The following MAP2K6 variants were observed in gnomAD, a reference collection of about 807,000 sequenced individuals.
The protein encoded by MAP2K6 is dual specificity mitogen-activated protein kinase kinase 6.
MAP2K6 carries 16 observed loss-of-function variants against 53.7 expected under a neutral mutation model. The observed-to-expected ratio is 0.30, with a 90% CI of 0.20 to 0.45. MAP2K6 has a LOEUF of 0.45. Among genes scored for constraint, MAP2K6 ranks in the 20% least tolerant of loss-of-function variants. MAP2K6 has a pLI of 1.00. For missense variants in MAP2K6, 204 were observed against 411.9 expected (o/e 0.50, Z 4.37); for synonymous variants, 132 against 143.1 (o/e 0.92, Z 0.55).
chr17:69,428,864 G>GT (rs761660743), intron 1 of MAP2K6, among the ~76,000 whole-genome samples: 175 of 46,256 alleles, frequency 3.8e-3, no homozygotes, highest in East Asian at 0.014. Flanking sequence ...TTTTGTTTTT[G>GT]TTTTTTTTTT....
chr17:69,498,069 C>T (rs887348378), intron 1 of MAP2K6, among the ~76,000 whole-genome samples: 14 of 151,896 alleles, frequency 9.2e-5, no homozygotes, highest in Non-Finnish European at 1.6e-4. Context: ...CCTGATGCTT[C>T]GATGGCAGAA....
chr17:69,446,913 C>T (rs1198261969), intron 1 of MAP2K6, among the ~76,000 whole-genome samples: 1 of 149,738 alleles, frequency 6.7e-6, no homozygotes, highest in Non-Finnish European at 1.5e-5. Flanking sequence ...AGTGGTCATT[C>T]ATTGGACCAC....
rs1327786599 is a variant in MAP2K6 at position 69,542,005 on chromosome 17, G to A, written c.*252G>A. The A allele has an allele frequency of 4.1e-6, 1 of 246,096 alleles. No individual in the cohort carries two copies. The highest frequency in any genetic ancestry group is 8.0e-6 in the Non-Finnish European group (1 of 125,566). 15.2% of individuals were successfully genotyped at this position (246,096 alleles called of 1,614,324 possible). A position where few individuals can be genotyped will look rare whatever the true frequency, so the allele number is the denominator to read the frequency against. On this transcript the variant is annotated 3_prime_UTR_variant, in exon 12 of 12. Transcript: ENST00000590474. Reference sequence around the variant, plus strand: ...TTCAAAAGGTGATTAAATATTTAATGATGTGTCATATGAGTCCTCAAGCTT... The same window carrying A: ...TTCAAAAGGTGATTAAATATTTAATAATGTGTCATATGAGTCCTCAAGCTT...
chr17:69,530,499 T>C (rs1304372627), intron 10 of MAP2K6, among the ~76,000 whole-genome samples: 1 of 152,198 alleles, frequency 6.6e-6, no homozygotes, highest in Non-Finnish European at 1.5e-5. Context: ...TTGTCTAAAA[T>C]AGTCATTTTG....
At chr17:69,471,269 T>G (rs1181264888) in intron 1 of MAP2K6, among the ~76,000 whole-genome samples, 1 of 152,164 alleles carries the variant, frequency 6.6e-6, no homozygotes, top group Non-Finnish European at 1.5e-5. Context: ...GAAATCAACC[T>G]AAGCATCCAT....
At chr17:69,425,179 G>A (rs975627394) in intron 1 of MAP2K6, among the ~76,000 whole-genome samples, 4 of 152,138 alleles carry the variant, frequency 2.6e-5, no homozygotes, top group African/African-American at 4.8e-5. Context: ...TCCTTGAAAT[G>A]ATGAATGAAC....
At chr17:69,521,836 A>T (rs1398940136) in intron 7 of MAP2K6, 1 of 138,544 alleles carries the variant, frequency 7.2e-6, no homozygotes, top group South Asian at 2.3e-4. Flanking sequence ...AAAAAAAACC[A>T]CCTTAGAAAT....
rs3222089 is a variant in MAP2K6 at position 69,498,650 on chromosome 17, C to CCACACACACACACACA, written c.17-7110_17-7095dup. 3.1e-3 allele frequency among the ~76,000 whole-genome samples: 451 copies of CCACACACACACACACA among 145,516 alleles called. 1 individual carries two copies. Among genetic ancestry groups the CCACACACACACACACA allele is most frequent in the Middle Eastern group, 0.014 (4 of 286 alleles). On this transcript the variant is annotated intron_variant, in intron 1 of 11. Coordinates refer to ENST00000590474, the MANE Select transcript of MAP2K6 (RefSeq NM_002758.4). ...GAAGCCACACACACACACCTGGAAG[C>CCACACACACACACACA]CACACACACACACACACACACACAC...
At chr17:69,446,744 C>T (rs1237709610) in intron 1 of MAP2K6, among the ~76,000 whole-genome samples, 1 of 152,116 alleles carries the variant, frequency 6.6e-6, no homozygotes, top group Non-Finnish European at 1.5e-5. Context: ...TTGAGTACCC[C>T]CCACAGACGC....
intron 1 of MAP2K6, among the ~76,000 whole-genome samples, chr17:69,491,754 A>ATTATTC (rs1276341519): frequency 1.3e-5 from 2 of 150,644 alleles, no homozygotes; most frequent in Non-Finnish European, 3.0e-5. Flanking sequence ...TATTATTATT[A>ATTATTC]TTCACTTTTG....
intron 1 of MAP2K6, among the ~76,000 whole-genome samples, chr17:69,444,891 A>G (rs561623535): frequency 1.3e-5 from 2 of 152,306 alleles, no homozygotes; most frequent in African/African-American, 4.8e-5. Context: ...CTGGAGACTT[A>G]CTGGAAATCC....
At chr17:69,461,665 A>AG (rs1907626921) in intron 1 of MAP2K6, among the ~76,000 whole-genome samples, 1 of 152,096 alleles carries the variant, frequency 6.6e-6, no homozygotes, top group Non-Finnish European at 1.5e-5. Flanking sequence ...AAGGCCCCCC[A>AG]GGGAGCTGCG....
chr17:69,524,851 C>T lies in MAP2K6; in HGVS notation c.664-50C>T, dbSNP rs746157438. 1.7e-5 allele frequency: 23 copies of T among 1,381,288 alleles called. 1 individual carries two copies. The highest frequency in any genetic ancestry group is 9.2e-5 in the East Asian group (4 of 43,518). 85.6% of individuals were successfully genotyped at this position (1,381,288 alleles called of 1,614,324 possible). On this transcript the variant is annotated intron_variant, in intron 8 of 11. Coordinates refer to ENST00000590474, the MANE Select transcript of MAP2K6 (RefSeq NM_002758.4). ...TCCCCAGAGACTATTGAGCTAAGAA[C>T]GTTATCTCAATTGTCTTCCCAGTTT... is the stretch of plus-strand genomic sequence containing the variant.
At chr17:69,484,677 A>G (rs1192649726) in intron 1 of MAP2K6, among the ~76,000 whole-genome samples, 1 of 152,192 alleles carries the variant, frequency 6.6e-6, no homozygotes, top group Non-Finnish European at 1.5e-5. Flanking sequence ...GAAACAATAC[A>G]TATCTGATGA....
chr17:69,474,851 C>T (rs1908090200), intron 1 of MAP2K6, among the ~76,000 whole-genome samples: 2 of 152,150 alleles, frequency 1.3e-5, no homozygotes, highest in African/African-American at 4.8e-5. Context: ...TCCTTTATTC[C>T]TTCAGGGACT....
intron 1 of MAP2K6, among the ~76,000 whole-genome samples, chr17:69,493,277 ACC>A (rs1908819042): frequency 1.3e-5 from 2 of 148,344 alleles, no homozygotes; most frequent in African/African-American, 5.0e-5. Flanking sequence ...ATTTTATATA[ACC>A]AAAAAGGAAA....
At chr17:69,537,045 G>C (rs1475944275) in intron 11 of MAP2K6, among the ~76,000 whole-genome samples, 1 of 152,158 alleles carries the variant, frequency 6.6e-6, no homozygotes, top group Non-Finnish European at 1.5e-5. Context: ...TTGTGCCACT[G>C]AATTCCAGCC....
rs1219153962 is a variant in MAP2K6 at position 69,544,551 on chromosome 17, G to A, written c.*2798G>A. On this transcript the variant is annotated 3_prime_UTR_variant, in exon 12 of 12. Transcript: ENST00000590474. The stretch of plus-strand genomic sequence containing the variant: ...ACCAGCATAGACCATCTGAATATCA[G>A]CCCTGTCTACACCTATCAATGTATT... 6.6e-6 allele frequency: 1 copy of A among 152,056 alleles called. No individual in the cohort carries two copies. The highest frequency in any genetic ancestry group is 1.5e-5 in the Non-Finnish European group (1 of 68,026). The allele number at this position is 152,056 out of a possible 1,614,324, so 9.4% of individuals were successfully genotyped here. A position where few individuals can be genotyped will look rare whatever the true frequency, so the allele number is the denominator to read the frequency against.
At chr17:69,520,737 G>T in intron 6 of MAP2K6, 1 of 377,816 alleles carries the variant, frequency 2.6e-6, no homozygotes, top group Non-Finnish European at 4.7e-6. Flanking sequence ...GAAAGCAGAA[G>T]GAAAATAAAT....
Sources: allele counts gnomAD v4.1 joint callset (sites outside exome capture counted in the v4.1 genomes callset), GRCh38; gene constraint gnomAD v4.1.1; transcripts MANE v1.5; gene names NCBI Gene and HGNC (gene_info 2026-07-23, HGNC 2026-07-21).